The following KIF1A variants were observed in gnomAD, a reference collection of about 807,000 sequenced individuals.
KIF1A encodes the protein kinesin-like protein KIF1A.
KIF1A carries 46 observed loss-of-function variants against 227.3 expected under a neutral mutation model. That is an observed-to-expected ratio of 0.20 (90% CI 0.16 to 0.26). The LOEUF is 0.26. Among genes scored for constraint, KIF1A ranks in the 10% least tolerant of loss-of-function variants. The probability of loss-of-function intolerance (pLI) is 1.00; values close to 1 mark genes in which losing one functional copy is unlikely to be tolerated. For missense variants in KIF1A, 1,683 were observed against 2,485.9 expected, an observed-to-expected ratio of 0.68 and a Z score of 6.87; for synonymous variants, 1,022 against 1,012.8, an observed-to-expected ratio of 1.01 and a Z score of -0.17.
intron 1 of KIF1A, among the ~76,000 whole-genome samples, chr2:240,809,772 G>A (rs1483629349): frequency 2.0e-5 from 3 of 149,686 alleles, no homozygotes; most frequent in Non-Finnish European, 3.0e-5. Context: ...GGATTCAAGA[G>A]AAATACCTAA....
At chr2:240,809,044 A>G (rs1041159294) in intron 1 of KIF1A, among the ~76,000 whole-genome samples, 1 of 152,242 alleles carries the variant, frequency 6.6e-6, no homozygotes, top group Non-Finnish European at 1.5e-5. Context: ...CTAACTTATT[A>G]TAAAGAAAAT....
rs769067549 is a variant in KIF1A at position 240,726,955 on chromosome 2, A to G, written c.4008-15T>C. On this transcript the variant is annotated splice_polypyrimidine_tract_variant and intron_variant, in intron 38 of 48. Transcript: ENST00000498729. This position sits in a 1 kb window ranked among gnomAD's most constrained non-coding sequence, Gnocchi z 5.2. ...GGTAAAAGGTCCTGAAAGGAAGCAG[A>G]GACAAAGTAGAAGTTGATGGCGTGG... is the stretch of plus-strand genomic sequence containing the variant. The G allele has an allele frequency of 5.3e-6, 8 of 1,517,894 alleles. No individual in the cohort carries two copies. Among genetic ancestry groups the G allele is most frequent in the Non-Finnish European group, 5.4e-6 (6 of 1,102,022 alleles). 94.0% of individuals were successfully genotyped at this position (1,517,894 alleles called of 1,614,324 possible).
Position 240,766,587 on chromosome 2 carries a change from C to T in KIF1A, c.1684+328G>A, listed in dbSNP as rs989150714. Reference sequence around the variant, plus strand: ...CAGCAGCCCACCTGTGCCCCCACCTCCAGCCCTCAAGGAGGCTCAGCTCCC... The same window carrying T: ...CAGCAGCCCACCTGTGCCCCCACCTTCAGCCCTCAAGGAGGCTCAGCTCCC... On this transcript the variant is annotated intron_variant, in intron 19 of 48. Coordinates refer to ENST00000498729, the MANE Select transcript of KIF1A (RefSeq NM_001244008.2). The surrounding 1 kb of genome is among the most constrained non-coding windows in gnomAD (Gnocchi z 5.0). Among the ~76,000 whole-genome samples, 7 of 152,198 alleles carry T rather than the reference C, an allele frequency of 4.6e-5. No individual in the cohort carries two copies. The highest frequency in any genetic ancestry group is 8.8e-5 in the Non-Finnish European group (6 of 68,034).
chr2:240,787,383 G>C, intron 4 of KIF1A, 67 bp from the exon 5 acceptor site: 2 of 1,392,684 alleles, frequency 1.4e-6, no homozygotes, highest in African/African-American at 1.4e-5. Flanking sequence ...TGCCCCTTGC[G>C]ATACTGTGGG....
At position 240,798,555 on chromosome 2, in the gene KIF1A, C is replaced by T. The variant is rs2056652536; in HGVS notation, c.-60-743G>A. ...CCCAGCTGTGTGACAGCTTCCTGGG[C>T]CCCAGTTTACCGTCTGTGAAATGAC... is the stretch of plus-strand genomic sequence containing the variant. On this transcript the variant is annotated intron_variant, in intron 1 of 48. Coordinates refer to ENST00000498729, the MANE Select transcript of KIF1A (RefSeq NM_001244008.2). 1.3e-5 allele frequency among the ~76,000 whole-genome samples: 2 copies of T among 152,220 alleles called. 1 individual carries two copies. Among genetic ancestry groups the T allele is most frequent in the South Asian group, 4.1e-4 (2 of 4,828 alleles).
chr2:240,796,243 G>T (rs12621521), intron 2 of KIF1A, among the ~76,000 whole-genome samples: 52,573 of 152,052 alleles, frequency 0.35, 9,263 homozygotes, highest in African/African-American at 0.42. Context: ...GCTCTGCGCA[G>T]CCTGAGGCTT....
chr2:240,751,395 G>C (rs989791376), intron 27 of KIF1A, among the ~76,000 whole-genome samples: 1 of 152,186 alleles, frequency 6.6e-6, no homozygotes, highest in Non-Finnish European at 1.5e-5. Flanking sequence ...TGGGGCCCTC[G>C]ATTCCAGAGC....
chr2:240,783,912 C>A (rs2054389088), intron 7 of KIF1A, 96 bp from the exon 8 acceptor site: 2 of 969,290 alleles, frequency 2.1e-6, no homozygotes, highest in South Asian at 2.8e-5. Flanking sequence ...GTTGAAGGAG[C>A]CCTGGCCAAG....
rs1559524400 is a variant in KIF1A at position 240,781,471 on chromosome 2, ACACACACACACACACAGCTC to A, written c.882+1099_882+1118del. On this transcript the variant is annotated intron_variant, in intron 10 of 48. Transcript: ENST00000498729. ...CACACACACACACAGCTCCACACAC[ACACACACACACACACAGCTC>A]CACACACAGCTCCACACACACACAC... 4.5e-5 allele frequency among the ~76,000 whole-genome samples: 5 copies of A among 111,498 alleles called. No homozygotes were observed. In the East Asian group the frequency reaches 1.2e-3, roughly 26 times the overall value. The allele number at this position is 111,498 out of a possible 152,430, so 73.1% of individuals were successfully genotyped here.
chr2:240,798,857 G>C (rs2056692027), intron 1 of KIF1A, among the ~76,000 whole-genome samples: 1 of 152,232 alleles, frequency 6.6e-6, no homozygotes, highest in South Asian at 2.1e-4. Flanking sequence ...GACACGAGAG[G>C]TTTTCGCCAA....
In KIF1A at chr2:240,785,022, G is replaced by C. The variant is rs1227979792; in HGVS notation, c.687C>G (p.Arg229=). The C allele has an allele frequency of 1.9e-6, 3 of 1,613,536 alleles. No homozygotes were observed. In the African/African-American group the frequency reaches 4.0e-5, roughly 22 times the overall value. Residue 229 remains arginine (R), a synonymous_variant, in exon 7 of 49, where the codon CGC becomes CGG. Transcript: ENST00000498729. ...TGGTGATATTGGTCTCTGCGTCATGGCGCTTCTGGGTGAAGATGATGTTGA... is the reference window on the plus strand; with the variant it reads ...TGGTGATATTGGTCTCTGCGTCATGCCGCTTCTGGGTGAAGATGATGTTGA... The part of the protein sequence containing the change: ...AVFNIIFTQK[R]HDAETNITTE...
rs1490546680 is a variant in KIF1A at position 240,740,169 on chromosome 2, G to T, written c.3817-27C>A. The stretch of plus-strand genomic sequence containing the variant: ...TGCCGGTGCCAGGTGAGAGGATATG[G>T]TCAGACGGCTCAGGGGGCTACGTAG... On this transcript the variant is annotated intron_variant, in intron 36 of 48. Coordinates refer to ENST00000498729, the MANE Select transcript of KIF1A (RefSeq NM_001244008.2). The surrounding 1 kb of genome is among the most constrained non-coding windows in gnomAD (Gnocchi z 6.1). 1 of 1,586,550 alleles carries T rather than the reference G, an allele frequency of 6.3e-7. No individual in the cohort carries two copies. The highest frequency in any genetic ancestry group is 8.6e-7 in the Non-Finnish European group (1 of 1,165,444).
At position 240,726,792 on chromosome 2, in the gene KIF1A, G is replaced by T; in HGVS notation, c.4122+34C>A. On this transcript the variant is annotated intron_variant, in intron 39 of 48. Transcript: ENST00000498729. This position sits in a 1 kb window ranked among gnomAD's most constrained non-coding sequence, Gnocchi z 5.2. ...AACCTCAAGCTTCAGGGGCTGAGTG[G>T]TTTTGGTGGAGTGCCCTGGCATAGG... 1 of 1,353,962 alleles carries T rather than the reference G, an allele frequency of 7.4e-7. No individual in the cohort carries two copies. The highest frequency in any genetic ancestry group is 1.0e-6 in the Non-Finnish European group (1 of 954,914). The allele number at this position is 1,353,962 out of a possible 1,614,324, so 83.9% of individuals were successfully genotyped here. A position where few individuals can be genotyped will look rare whatever the true frequency, so the allele number is the denominator to read the frequency against.
chr2:240,737,139 C>T lies in KIF1A; in HGVS notation c.3931G>A (p.Glu1311Lys), dbSNP rs778239281. The change falls in exon 38 of 49, where the codon GAG becomes AAG. Residue 1311 changes from glutamate (E) to lysine (K), a missense_variant. By Grantham distance (56) the Glu-to-Lys change is moderately conservative. This residue lies in a region of KIF1A where 759 missense variants were observed against 1,020.2 expected (regional missense o/e 0.74). Transcript: ENST00000498729. ...GRIRNTPETD[E>K]SLIDPNILSL... ...AAGATGTTGGGGTCGATCAGGGACT[C>T]GTCGGTCTCTGGAGTGTTTCGGATG... The T allele has an allele frequency of 5.6e-6, 9 of 1,613,652 alleles. No individual in the cohort carries two copies. The highest frequency in any genetic ancestry group is 7.6e-6 in the Non-Finnish European group (9 of 1,179,672).
Position 240,793,499 on chromosome 2 carries a change from C to T in KIF1A, c.106+4148G>A, listed in dbSNP as rs1384417808. Reference sequence around the variant, plus strand: ...CCAGCCTCCAGCATCTGCAGAATGGCTGGGCAGGCTCAGGGCCCTCACGTC... The same window carrying T: ...CCAGCCTCCAGCATCTGCAGAATGGTTGGGCAGGCTCAGGGCCCTCACGTC... On this transcript the variant is annotated intron_variant, in intron 2 of 48. Transcript: ENST00000498729. The surrounding 1 kb of genome is among the most constrained non-coding windows in gnomAD (Gnocchi z 4.8). 6.6e-6 allele frequency among the ~76,000 whole-genome samples: 1 copy of T among 152,186 alleles called. No individual in the cohort carries two copies. Among genetic ancestry groups the T allele is most frequent in the African/African-American group, 2.4e-5 (1 of 41,454 alleles).
intron 1 of KIF1A, among the ~76,000 whole-genome samples, chr2:240,815,091 C>T (rs1448000780): frequency 6.6e-6 from 1 of 152,216 alleles, no homozygotes; most frequent in East Asian, 1.9e-4. Context: ...CCCTCCCAGG[C>T]CCCAAGGACC....
intron 1 of KIF1A, among the ~76,000 whole-genome samples, chr2:240,814,076 CAG>C (rs1369337667): frequency 6.6e-6 from 1 of 151,888 alleles, no homozygotes; most frequent in Non-Finnish European, 1.5e-5. Flanking sequence ...AACAAGGAGA[CAG>C]AATATACAAG....
In KIF1A at chr2:240,758,169, C is replaced by T. The variant is rs549268281; in HGVS notation, c.2582+191G>A. On this transcript the variant is annotated intron_variant, in intron 26 of 48. Coordinates refer to ENST00000498729, the MANE Select transcript of KIF1A (RefSeq NM_001244008.2). The surrounding 1 kb of genome is among the most constrained non-coding windows in gnomAD (Gnocchi z 5.2). ...CCCCATCCCACGTCCCCTGAAATAACAGGCCCTGTGGTGTGTGGAGAGGAA... is the reference window on the plus strand; with the variant it reads ...CCCCATCCCACGTCCCCTGAAATAATAGGCCCTGTGGTGTGTGGAGAGGAA... Among the ~76,000 whole-genome samples the T allele has an allele frequency of 2.6e-4, 40 of 152,356 alleles. No homozygotes were observed. The highest frequency in any genetic ancestry group is 8.2e-4 in the African/African-American group (34 of 41,592).
chr2:240,717,103 CT>C lies in KIF1A; in HGVS notation c.*260del. 2.1e-6 allele frequency: 1 copy of C among 472,222 alleles called. No homozygotes were observed. The allele number at this position is 472,222 out of a possible 1,614,324, so 29.3% of individuals were successfully genotyped here. A position where few individuals can be genotyped will look rare whatever the true frequency, so the allele number is the denominator to read the frequency against. On this transcript the variant is annotated 3_prime_UTR_variant, in exon 49 of 49. Transcript: ENST00000498729. ...GAACGGCAGCAAGAACCCCCGTAAC[CT>C]GTGCCCTTGGCCCCCCCAGCCTCTC... is the stretch of plus-strand genomic sequence containing the variant.
Sources: allele counts gnomAD v4.1 joint callset (sites outside exome capture counted in the v4.1 genomes callset), GRCh38; gene constraint gnomAD v4.1.1; regional missense constraint gnomAD v4.1.1; non-coding constraint Gnocchi (gnomAD v3.1); transcripts MANE v1.5; gene names NCBI Gene and HGNC (gene_info 2026-07-23, HGNC 2026-07-21).